Variants in ZRANB3 observed in about 807,000 individuals in gnomAD.
ZRANB3 encodes the protein zinc finger RANBP2-type containing 3.
In ZRANB3, 125 loss-of-function variants were observed where a neutral mutation model predicts 133.8. The ratio of observed to expected loss-of-function variants is 0.93; its 90% CI spans 0.81 to 1.08. ZRANB3 has a LOEUF of 1.08. Among genes scored for constraint, ZRANB3 ranks in the 50% least tolerant of loss-of-function variants. The pLI, the probability that ZRANB3 is intolerant of heterozygous loss-of-function variation, is 0.00. For synonymous variants in ZRANB3, 387 were observed against 432.7 expected (o/e 0.89, Z 1.31); for missense variants, 1,229 against 1,275.5 (o/e 0.96, Z 0.56).
At position 135,269,005 on chromosome 2, in the gene ZRANB3, T is replaced by C. The variant is rs527503710; in HGVS notation, c.1343A>G (p.Asn448Ser). The change falls in exon 11 of 21, where the codon AAT becomes AGT. Residue 448 changes from asparagine to serine, a missense_variant. Coordinates refer to ENST00000264159, the MANE Select transcript of ZRANB3 (RefSeq NM_032143.4). ...CCACATAAGGGTGTCTAGGGTTCCATTTGCAATAAGGTAGTGAATATTCAC... is the reference window on the plus strand; with the variant it reads ...CCACATAAGGGTGTCTAGGGTTCCACTTGCAATAAGGTAGTGAATATTCAC... ...SSVNIHYLIANGTLDTLMWGM... is the reference protein window; with the variant it reads ...SSVNIHYLIASGTLDTLMWGM... 250 of 1,609,890 alleles carry C rather than the reference T, an allele frequency of 1.6e-4. 1 individual carries two copies. The South Asian group carries it at 2.5e-3, about 16-fold the overall frequency.
chr2:135,402,557 G>A (rs940725860), intron 2 of ZRANB3, among the ~76,000 whole-genome samples: 1 of 151,360 alleles, frequency 6.6e-6, no homozygotes, highest in African/African-American at 2.4e-5. Flanking sequence ...GCCTCCCAAT[G>A]TGCTGGGATT....
chr2:135,454,026 G>A lies in ZRANB3; in HGVS notation c.161+50303C>T, dbSNP rs534924725. Among the ~76,000 whole-genome samples, 341 of 152,298 alleles carry A rather than the reference G, an allele frequency of 2.2e-3. 3 individuals carry two copies. The highest frequency in any genetic ancestry group is 7.6e-4 in the Non-Finnish European group (52 of 68,026). ...AGGCCTCAGAATTATGACAGGAGGC[G>A]AAAGCCACTTCTTACATGGTGGCAG... is the stretch of plus-strand genomic sequence containing the variant. On this transcript the variant is annotated intron_variant, in intron 2 of 20. Transcript: ENST00000264159.
chr2:135,217,730 TTC>T (rs1177231828), intron 16 of ZRANB3, 123 bp from the exon 17 acceptor site: 1 of 1,156,704 alleles, frequency 8.6e-7, no homozygotes, highest in Non-Finnish European at 1.2e-6. Flanking sequence ...GGCTTTTGAG[TTC>T]CATAACCTAA....
intron 3 of ZRANB3, among the ~76,000 whole-genome samples, chr2:135,366,201 T>C (rs573902099): frequency 6.7e-6 from 1 of 149,182 alleles, no homozygotes; most frequent in South Asian, 2.1e-4. Flanking sequence ...AAATGTTAAT[T>C]AAACAATGAT....
At chr2:135,406,360 C>T (rs1351176291) in intron 2 of ZRANB3, among the ~76,000 whole-genome samples, 2 of 152,120 alleles carry the variant, frequency 1.3e-5, no homozygotes. Context: ...AGCCCAGGAC[C>T]AGATGGATTC....
chr2:135,327,921 A>G (rs924601045), intron 6 of ZRANB3, among the ~76,000 whole-genome samples: 20 of 152,304 alleles, frequency 1.3e-4, no homozygotes, highest in African/African-American at 4.8e-4. Flanking sequence ...ATATTACAGA[A>G]AAGTGTGTAC....
Position 135,419,183 on chromosome 2 carries a change from C to T in ZRANB3, c.162-28363G>A, listed in dbSNP as rs561903447. On this transcript the variant is annotated intron_variant, in intron 2 of 20. Coordinates refer to ENST00000264159, the MANE Select transcript of ZRANB3 (RefSeq NM_032143.4). ...CGATCTCCTGACCTCGTGATCCACC[C>T]GCCTCAACCTCCCAAAATGCTGGGA... Among the ~76,000 whole-genome samples, 5 of 151,780 alleles carry T rather than the reference C, an allele frequency of 3.3e-5. No homozygotes were observed. In the East Asian group the frequency reaches 9.7e-4, roughly 29 times the overall value.
At chr2:135,447,343 C>A (rs1690067163) in intron 2 of ZRANB3, among the ~76,000 whole-genome samples, 1 of 152,122 alleles carries the variant, frequency 6.6e-6, no homozygotes, top group South Asian at 2.1e-4. Context: ...CTGGCCAACA[C>A]TTTATTAAGT....
intron 12 of ZRANB3, among the ~76,000 whole-genome samples, chr2:135,248,485 G>T (rs573798295): frequency 6.6e-6 from 1 of 152,066 alleles, no homozygotes; most frequent in South Asian, 2.1e-4. Context: ...CTATCAACAG[G>T]GTAAACAGAC....
chr2:135,236,113 C>T (rs895169146), intron 12 of ZRANB3, among the ~76,000 whole-genome samples: 3 of 152,138 alleles, frequency 2.0e-5, no homozygotes, highest in Non-Finnish European at 4.4e-5. Flanking sequence ...AATCAATGTA[C>T]AAAAATCACA....
rs267598889 is a variant in ZRANB3, at chr2:135,230,750, G to C, written c.1717C>G (p.Pro573Ala). ...GCCAATTTCAATCTTTTCGTTTCAG[G>C]TTCAACATCACTTTCATAATCGATG... ...DIIDYESDVEPETKRLKLAAS... is the reference protein window; with the variant it reads ...DIIDYESDVEAETKRLKLAAS... Residue 573 changes from proline (P) to alanine (A), a missense_variant, in exon 13 of 21, where the codon CCT (proline) becomes GCT (alanine). By Grantham distance (27) the Pro-to-Ala change is conservative. Transcript: ENST00000264159. The C allele has an allele frequency of 6.2e-7, 1 of 1,613,712 alleles. No individual in the cohort carries two copies. Among genetic ancestry groups the C allele is most frequent in the Non-Finnish European group, 8.5e-7 (1 of 1,179,832 alleles).
At chr2:135,444,732 G>T (rs1689939073) in intron 2 of ZRANB3, among the ~76,000 whole-genome samples, 1 of 152,156 alleles carries the variant, frequency 6.6e-6, no homozygotes. Context: ...GAATTCTAGT[G>T]ATGCTAAAAC....
At chr2:135,308,643 T>C (rs1232400846) in intron 8 of ZRANB3, among the ~76,000 whole-genome samples, 1 of 152,180 alleles carries the variant, frequency 6.6e-6, no homozygotes, top group Non-Finnish European at 1.5e-5. Flanking sequence ...TTGTTTTTTA[T>C]AGAATAGAGA....
At chr2:135,395,916 C>T (rs1687468037) in intron 2 of ZRANB3, among the ~76,000 whole-genome samples, 1 of 152,098 alleles carries the variant, frequency 6.6e-6, no homozygotes, top group African/African-American at 2.4e-5. Flanking sequence ...TGCAAACTAT[C>T]CATCTGACAA....
intron 2 of ZRANB3, among the ~76,000 whole-genome samples, chr2:135,399,705 T>C (rs1446480043): frequency 6.6e-6 from 1 of 152,128 alleles, no homozygotes; most frequent in Non-Finnish European, 1.5e-5. Flanking sequence ...TATAACTGAG[T>C]TGTTGTTTGA....
chr2:135,242,352 A>C (rs1219701969), intron 12 of ZRANB3, among the ~76,000 whole-genome samples: 1 of 152,214 alleles, frequency 6.6e-6, no homozygotes, highest in Non-Finnish European at 1.5e-5. Flanking sequence ...AATGAGTAAA[A>C]GATATCCAGA....
At chr2:135,292,249 C>T (rs1681783188) in intron 8 of ZRANB3, among the ~76,000 whole-genome samples, 1 of 152,140 alleles carries the variant, frequency 6.6e-6, no homozygotes, top group South Asian at 2.1e-4. Flanking sequence ...ACATCCTCTC[C>T]AGCACCTGTT....
chr2:135,443,672 T>G (rs1689892604), intron 2 of ZRANB3, among the ~76,000 whole-genome samples: 1 of 151,952 alleles, frequency 6.6e-6, no homozygotes, highest in Non-Finnish European at 1.5e-5. Flanking sequence ...TGAAAGAACA[T>G]CAGACAAATC....
chr2:135,480,794 G>C (rs1691756439), intron 2 of ZRANB3, among the ~76,000 whole-genome samples: 1 of 118,646 alleles, frequency 8.4e-6, no homozygotes, highest in South Asian at 3.0e-4. Context: ...TCCCCAGAGT[G>C]TGATATTCCC....
Sources: allele counts gnomAD v4.1 joint callset (sites outside exome capture counted in the v4.1 genomes callset), GRCh38; gene constraint gnomAD v4.1.1; transcripts MANE v1.5; gene names NCBI Gene and HGNC (gene_info 2026-07-23, HGNC 2026-07-21).